The following STK24 variants were observed in gnomAD, a reference collection of about 807,000 sequenced individuals.
The protein encoded by STK24 is serine/threonine-protein kinase 24.
Under a neutral mutation model 55.6 loss-of-function variants are expected in STK24, and 21 were observed. That is an observed-to-expected ratio of 0.38 (90% CI 0.27 to 0.54). STK24 has a LOEUF of 0.54. STK24 is among the 20% of genes least tolerant of loss of function. The pLI is 0.79. For synonymous variants in STK24, 200 were observed against 215.2 expected, an observed-to-expected ratio of 0.93 and a Z score of 0.62; for missense variants, 383 against 538.4, an observed-to-expected ratio of 0.71 and a Z score of 2.86.
chr13:98,567,882 G>A (rs147992857), intron 1 of STK24, among the ~76,000 whole-genome samples: 4,167 of 135,252 alleles, frequency 0.031, 104 homozygotes, highest in Admixed American at 0.08. Context: ...CTGAAACAGA[G>A]AGAAGACAAC....
Position 98,576,772 on chromosome 13 carries a change from C to T in STK24, c.15G>A (p.Pro5=). ...GCATGCCGGGCAGGCCCGACTGCAC[C>T]GGGGAGTGAGCCATGGCGCTCAGGA... MAHS[P]VQSGLPGMQN... Residue 5 remains proline, a synonymous_variant, in exon 1 of 11, where the codon CCG becomes CCA. Coordinates refer to ENST00000539966, the MANE Select transcript of STK24 (RefSeq NM_001032296.4). 6.9e-7 allele frequency: 1 copy of T among 1,441,928 alleles called. No homozygotes were observed. The highest frequency in any genetic ancestry group is 9.1e-7 in the Non-Finnish European group (1 of 1,099,178). The allele number at this position is 1,441,928 out of a possible 1,614,324, so 89.3% of individuals were successfully genotyped here.
intron 1 of STK24, among the ~76,000 whole-genome samples, chr13:98,519,984 CA>C (rs1418317717): frequency 6.6e-6 from 1 of 152,120 alleles, no homozygotes; most frequent in African/African-American, 2.4e-5. Context: ...CTGCCTTCAC[CA>C]AAACAATAAC....
At chr13:98,573,088 A>G (rs1897784815) in intron 1 of STK24, among the ~76,000 whole-genome samples, 1 of 152,218 alleles carries the variant, frequency 6.6e-6, no homozygotes, top group Non-Finnish European at 1.5e-5. Context: ...TAATGCAAAT[A>G]TTCCAAAATT....
chr13:98,480,651 G>A (rs1296540370), intron 3 of STK24, among the ~76,000 whole-genome samples: 1 of 151,930 alleles, frequency 6.6e-6, no homozygotes, highest in Non-Finnish European at 1.5e-5. Flanking sequence ...TGTAAATTGG[G>A]TACGTTAGCC....
intron 5 of STK24, among the ~76,000 whole-genome samples, chr13:98,468,308 C>T (rs111619243): frequency 4.6e-5 from 7 of 152,330 alleles, no homozygotes; most frequent in African/African-American, 1.7e-4. Flanking sequence ...GAAGAGCTGA[C>T]GTTGGAAGTA....
chr13:98,526,718 C>T (rs1896439438), intron 1 of STK24, among the ~76,000 whole-genome samples: 1 of 152,160 alleles, frequency 6.6e-6, no homozygotes, highest in South Asian at 2.1e-4. Context: ...TTGGGTTGTG[C>T]ATTTCTGCTG....
intron 1 of STK24, among the ~76,000 whole-genome samples, chr13:98,529,285 A>G (rs762369392): frequency 6.6e-6 from 1 of 152,080 alleles, no homozygotes; most frequent in Non-Finnish European, 1.5e-5. Flanking sequence ...AAACCGCGTC[A>G]TGGTTCTTCC....
intron 1 of STK24, among the ~76,000 whole-genome samples, chr13:98,527,917 T>C (rs1177858076): frequency 6.6e-6 from 1 of 152,196 alleles, no homozygotes; most frequent in Non-Finnish European, 1.5e-5. Flanking sequence ...CATGCTGGCG[T>C]CTTGCAGCCC....
intron 2 of STK24, among the ~76,000 whole-genome samples, chr13:98,495,894 TA>T (rs1356317496): frequency 6.6e-6 from 1 of 152,240 alleles, no homozygotes; most frequent in Non-Finnish European, 1.5e-5. Context: ...TACAGTCTGA[TA>T]CCACGGGCTC....
chr13:98,472,942 C>A (rs1449304881), intron 5 of STK24, among the ~76,000 whole-genome samples: 2 of 152,218 alleles, frequency 1.3e-5, no homozygotes, highest in South Asian at 2.1e-4. Context: ...CAGGGCCCAA[C>A]CCTGAAATGG....
rs552548386 is a variant in STK24, at chr13:98,558,241, A to G, written c.42+18504T>C. Among the ~76,000 whole-genome samples the G allele has an allele frequency of 9.9e-5, 15 of 152,282 alleles. No individual in the cohort carries two copies. The East Asian group carries it at 1.5e-3, about 16-fold the overall frequency. ...CATTGGCTGATATACCACCTATTAG[A>G]TATCTATTCAGATCAACACACATCT... On this transcript the variant is annotated intron_variant, in intron 1 of 10. Coordinates refer to ENST00000539966, the MANE Select transcript of STK24 (RefSeq NM_001032296.4).
intron 5 of STK24, among the ~76,000 whole-genome samples, chr13:98,468,498 G>A (rs1209681864): frequency 6.6e-6 from 1 of 152,202 alleles, no homozygotes. Flanking sequence ...GGACAGGAGT[G>A]AGCAGGCACA....
chr13:98,460,477 T>C (rs146793245), intron 8 of STK24, 37 bp from the exon 9 acceptor site: 11 of 1,572,502 alleles, frequency 7.0e-6, no homozygotes, highest in African/African-American at 6.8e-5. Context: ...TCAGAAACAG[T>C]TGACGTTCAC....
intron 2 of STK24, among the ~76,000 whole-genome samples, chr13:98,494,111 A>C (rs1264540202): frequency 7.0e-6 from 1 of 142,760 alleles, no homozygotes; most frequent in Non-Finnish European, 1.5e-5. Flanking sequence ...CAAAGTGTAA[A>C]ATTTTTAAGA....
chr13:98,526,251 T>C (rs978134286), intron 1 of STK24, among the ~76,000 whole-genome samples: 2 of 152,230 alleles, frequency 1.3e-5, no homozygotes, highest in Non-Finnish European at 2.9e-5. Context: ...TTTTCGTGGA[T>C]GCAAAATTGT....
In STK24 at chr13:98,576,912, C is replaced by A; in HGVS notation, c.-126G>T. On this transcript the variant is annotated 5_prime_UTR_variant, in exon 1 of 11. Transcript: ENST00000539966. ...GGCCGGCCGGAGCCCGAGGCCACCCCAGCCCTGGCGGGTCCCGGCCGGGCG... is the reference window on the plus strand; with the variant it reads ...GGCCGGCCGGAGCCCGAGGCCACCCAAGCCCTGGCGGGTCCCGGCCGGGCG... The A allele has an allele frequency of 2.0e-6, 1 of 511,988 alleles. No homozygotes were observed. The highest frequency in any genetic ancestry group is 7.9e-5 in the South Asian group (1 of 12,624). 31.7% of individuals were successfully genotyped at this position (511,988 alleles called of 1,614,324 possible).
At chr13:98,482,224 A>G (rs773899709) in intron 3 of STK24, 41 bp downstream of exon 3, 12 of 1,203,296 alleles carry the variant, frequency 1.0e-5, no homozygotes, top group Admixed American at 7.6e-5. Flanking sequence ...TTTCCTGAGA[A>G]AAAGCTTTGA....
chr13:98,497,858 G>GT (rs199556018), intron 2 of STK24, among the ~76,000 whole-genome samples: 5,191 of 152,290 alleles, frequency 0.034, 281 homozygotes, highest in African/African-American at 0.12. Flanking sequence ...GCTGTGAACT[G>GT]TAACACTAAC....
intron 1 of STK24, among the ~76,000 whole-genome samples, chr13:98,522,792 C>G (rs1896309127): frequency 6.6e-6 from 1 of 152,206 alleles, no homozygotes; most frequent in South Asian, 2.1e-4. Context: ...TAAACATCCC[C>G]TGAGCAATAA....
Sources: allele counts gnomAD v4.1 joint callset (sites outside exome capture counted in the v4.1 genomes callset), GRCh38; gene constraint gnomAD v4.1.1; transcripts MANE v1.5; gene names NCBI Gene and HGNC (gene_info 2026-07-23, HGNC 2026-07-21).